CELF4: variants seen among roughly 807,000 people sequenced by gnomAD.
The protein encoded by CELF4 is CUG-BP- and ETR-3-like factor 4.
CELF4 carries 18 observed loss-of-function variants against 59.9 expected under a neutral mutation model. That is an observed-to-expected ratio of 0.30 (90% CI 0.21 to 0.45). CELF4 has a LOEUF of 0.45. CELF4 is among the 20% of genes least tolerant of loss of function. The pLI is 1.00. For synonymous variants in CELF4, 261 were observed against 267.1 expected (o/e 0.98, Z 0.22); for missense variants, 456 against 689.0 (o/e 0.66, Z 3.79).
At position 37,480,570 on chromosome 18, in the gene CELF4, C is replaced by A. The variant is rs961612070; in HGVS notation, c.369+4955G>T. ...TTCATCCTTTCTACTTATCATTCAT[C>A]TTTACAGTTGTACATAAAATTAGAT... On this transcript the variant is annotated intron_variant, in intron 2 of 12. Transcript: ENST00000420428. Among the ~76,000 whole-genome samples the A allele has an allele frequency of 2.0e-5, 3 of 152,174 alleles. No individual in the cohort carries two copies. The East Asian group carries it at 5.8e-4, about 29-fold the overall frequency.
intron 3 of CELF4, among the ~76,000 whole-genome samples, chr18:37,294,891 C>T (rs1166101540): frequency 6.6e-6 from 1 of 152,218 alleles, no homozygotes; most frequent in South Asian, 2.1e-4. Context: ...ATCCTGAAGA[C>T]CAGCCTCTTT....
At chr18:37,502,885 C>G (rs1421028406) in intron 1 of CELF4, among the ~76,000 whole-genome samples, 1 of 152,198 alleles carries the variant, frequency 6.6e-6, no homozygotes, top group Admixed American at 6.5e-5. Context: ...AGAGGCCTGT[C>G]CCAGGCACCC....
At chr18:37,275,360 GCTC>G in intron 3 of CELF4, 117 bp from the exon 4 acceptor site, 1 of 859,448 alleles carries the variant, frequency 1.2e-6, no homozygotes, top group Non-Finnish European at 1.6e-6. Context: ...CGGGGCGGGG[GCTC>G]GGAGCCGGCG....
At chr18:37,294,772 C>T (rs1415395038) in intron 3 of CELF4, among the ~76,000 whole-genome samples, 1 of 152,204 alleles carries the variant, frequency 6.6e-6, no homozygotes, top group African/African-American at 2.4e-5. Flanking sequence ...GAGGCCATGG[C>T]TCAATTTGCT....
intron 2 of CELF4, among the ~76,000 whole-genome samples, chr18:37,389,922 A>T (rs1382844165): frequency 1.3e-5 from 2 of 152,018 alleles, no homozygotes; most frequent in African/African-American, 4.8e-5. Context: ...AGCAGTCTGG[A>T]CTCCTCACGC....
At chr18:37,537,940 G>A (rs1011896710) in intron 1 of CELF4, among the ~76,000 whole-genome samples, 3 of 152,228 alleles carry the variant, frequency 2.0e-5, no homozygotes, top group Non-Finnish European at 4.4e-5. Context: ...CACCCCACGG[G>A]GCTGTGTGAT....
chr18:37,332,876 C>G (rs1485488737), intron 2 of CELF4, among the ~76,000 whole-genome samples: 1 of 152,250 alleles, frequency 6.6e-6, no homozygotes, highest in African/African-American at 2.4e-5. Flanking sequence ...GGGCAGAGGG[C>G]TCTTTGTCTC....
At chr18:37,464,905 C>T (rs1415620436) in intron 2 of CELF4, among the ~76,000 whole-genome samples, 1 of 152,160 alleles carries the variant, frequency 6.6e-6, no homozygotes, top group African/African-American at 2.4e-5. Flanking sequence ...TAACTACTTC[C>T]TTGTGTGCAA....
At chr18:37,288,215 T>A (rs1390077095) in intron 3 of CELF4, among the ~76,000 whole-genome samples, 1 of 152,194 alleles carries the variant, frequency 6.6e-6, no homozygotes, top group African/African-American at 2.4e-5. Context: ...CAGGCTGAAA[T>A]GACCTCTCAA....
At chr18:37,524,809 C>T (rs934488320) in intron 1 of CELF4, among the ~76,000 whole-genome samples, 1 of 152,136 alleles carries the variant, frequency 6.6e-6, no homozygotes, top group Non-Finnish European at 1.5e-5. Context: ...CTACGCCCTC[C>T]GCGCCCCGGC....
At chr18:37,556,228 G>A (rs2099984750) in intron 1 of CELF4, among the ~76,000 whole-genome samples, 1 of 152,198 alleles carries the variant, frequency 6.6e-6, no homozygotes, top group Non-Finnish European at 1.5e-5. Context: ...AGTCTGGCCA[G>A]AACTAGCCAC....
chr18:37,361,732 T>A (rs189519998), intron 2 of CELF4, among the ~76,000 whole-genome samples: 2 of 151,996 alleles, frequency 1.3e-5, no homozygotes, highest in African/African-American at 4.8e-5. Flanking sequence ...TCAAGGATGT[T>A]TTAAGTGGCT....
At chr18:37,489,071 C>T (rs1328399208) in intron 1 of CELF4, among the ~76,000 whole-genome samples, 3 of 152,236 alleles carry the variant, frequency 2.0e-5, no homozygotes, top group Non-Finnish European at 4.4e-5. Context: ...GTTGAAGCCC[C>T]TTCCTTCTCT....
chr18:37,555,285 A>G (rs1452503907), intron 1 of CELF4, among the ~76,000 whole-genome samples: 1 of 152,244 alleles, frequency 6.6e-6, no homozygotes, highest in Non-Finnish European at 1.5e-5. Context: ...TACTGGATGC[A>G]TAATGGTTAG....
At chr18:37,405,118 T>A (rs1208076041) in intron 2 of CELF4, among the ~76,000 whole-genome samples, 1 of 151,866 alleles carries the variant, frequency 6.6e-6, no homozygotes, top group African/African-American at 2.4e-5. Flanking sequence ...TTCCTTCAGA[T>A]TCCTGGTTCC....
At chr18:37,285,816 G>A (rs2094688438) in intron 3 of CELF4, among the ~76,000 whole-genome samples, 1 of 152,102 alleles carries the variant, frequency 6.6e-6, no homozygotes, top group African/African-American at 2.4e-5. Flanking sequence ...ATCTCTCCAG[G>A]TAACTGATTA....
intron 2 of CELF4, among the ~76,000 whole-genome samples, chr18:37,391,897 C>T (rs1048818068): frequency 3.0e-4 from 45 of 152,306 alleles, no homozygotes; most frequent in African/African-American, 9.9e-4. Flanking sequence ...CGGCACCAGG[C>T]GTTTTCAGCT....
chr18:37,253,760 C>G lies in CELF4; in HGVS notation c.*44+7G>C. 2.6e-6 allele frequency: 4 copies of G among 1,563,140 alleles called. 1 individual carries two copies. The South Asian group carries it at 3.5e-5, about 14-fold the overall frequency. ...CCCGTCCCCGCGCCCCGGCCGCCCC[C>G]GGTTACCTGTGCGAGTCCTGGTCTC... On this transcript the variant is annotated splice_region_variant and intron_variant, in intron 12 of 12. Transcript: ENST00000420428. This position sits in a 1 kb window ranked among gnomAD's most constrained non-coding sequence, Gnocchi z 4.5.
intron 2 of CELF4, among the ~76,000 whole-genome samples, chr18:37,437,480 G>C (rs1001007407): frequency 2.6e-5 from 4 of 152,154 alleles, no homozygotes; most frequent in Non-Finnish European, 4.4e-5. Flanking sequence ...GGGGTTGGTT[G>C]TGGGGGAGAT....
Sources: gnomAD v4.1 joint callset for allele counts (sites outside exome capture counted in the v4.1 genomes callset) on GRCh38, gnomAD v4.1.1 for gene constraint, Gnocchi (gnomAD v3.1) non-coding constraint, MANE v1.5 for transcripts, NCBI Gene and HGNC (gene_info 2026-07-23, HGNC 2026-07-21) for gene names.